Variants in ABHD4 observed in about 807,000 individuals in gnomAD.
The protein encoded by ABHD4 is (Lyso)-N-acylphosphatidylethanolamine lipase.
In ABHD4, 35 loss-of-function variants were observed where a neutral mutation model predicts 42.3. The ratio of observed to expected loss-of-function variants is 0.83; its 90% CI spans 0.63 to 1.10. The LOEUF is 1.10. Among genes scored for constraint, ABHD4 ranks in the 50% least tolerant of loss-of-function variants. The probability of loss-of-function intolerance (pLI) is 0.00; values close to 1 mark genes in which losing one functional copy is unlikely to be tolerated. For missense variants in ABHD4, 389 were observed against 454.8 expected, an observed-to-expected ratio of 0.86 and a Z score of 1.32; for synonymous variants, 169 against 170.6, an observed-to-expected ratio of 0.99 and a Z score of 0.07.
intron 4 of ABHD4, among the ~76,000 whole-genome samples, chr14:22,604,826 T>G (rs1482203304): frequency 6.6e-6 from 1 of 151,300 alleles, no homozygotes; most frequent in African/African-American, 2.4e-5. Flanking sequence ...GCTAGGCTGG[T>G]CTTGAACTCC....
intron 6 of ABHD4, among the ~76,000 whole-genome samples, chr14:22,610,631 C>G (rs1399983415): frequency 6.6e-6 from 1 of 152,160 alleles, no homozygotes; most frequent in Non-Finnish European, 1.5e-5. Flanking sequence ...AGTGGTGGGG[C>G]TAACACAGAA....
At chr14:22,608,698 TG>T (rs1469293255) in intron 5 of ABHD4, among the ~76,000 whole-genome samples, 2 of 152,154 alleles carry the variant, frequency 1.3e-5, no homozygotes, top group African/African-American at 4.8e-5. Flanking sequence ...AGTTGTTTTT[TG>T]TTTGTTTGTT....
At chr14:22,606,987 T>C (rs1039126872) in intron 5 of ABHD4, among the ~76,000 whole-genome samples, 13 of 152,214 alleles carry the variant, frequency 8.5e-5, no homozygotes, top group African/African-American at 3.1e-4. Context: ...ATTTCCAGTC[T>C]AACATAGCAC....
chr14:22,599,819 A>C (rs572007650), intron 1 of ABHD4, among the ~76,000 whole-genome samples: 1 of 152,330 alleles, frequency 6.6e-6, no homozygotes, highest in African/African-American at 2.4e-5. Context: ...TCAAGCCTAC[A>C]AGGAATTCCA....
chr14:22,601,570 T>G, intron 1 of ABHD4, 97 bp from the exon 2 acceptor site: 1 of 1,178,886 alleles, frequency 8.5e-7, no homozygotes. Context: ...GGAAACACCC[T>G]GCTTCCTGAG....
Position 22,603,480 on chromosome 14 carries a change from G to T in ABHD4, c.203G>T (p.Arg68Leu), listed in dbSNP as rs142817719. 2.5e-6 allele frequency: 4 copies of T among 1,614,002 alleles called. No individual in the cohort carries two copies. The highest frequency in any genetic ancestry group is 3.4e-6 in the Non-Finnish European group (4 of 1,180,008). Residue 68 changes from arginine (R) to leucine (L), a missense_variant, in exon 3 of 7, where the codon CGC becomes CTC. Arg to Leu is a moderately radical substitution (Grantham distance 102). This residue lies in a region of ABHD4 where 102 missense variants were observed against 128.3 expected (regional missense o/e 0.80). Coordinates refer to ENST00000428304, the MANE Select transcript of ABHD4 (RefSeq NM_022060.3). ...ACTGTGAGCCCCGAGCAAAACGACC[G>T]CACCCCCTTGGTGATGGTGCATGGT... ...TVTVSPEQNDRTPLVMVHGFG... is the reference protein window; with the variant it reads ...TVTVSPEQNDLTPLVMVHGFG...
rs147079024 is a variant in ABHD4, at chr14:22,606,681, A to G, written c.752+148A>G. The G allele has an allele frequency of 4.5e-3, 2,743 of 611,186 alleles. 83 individuals carry two copies. The East Asian group carries it at 0.062, about 14-fold the overall frequency. The allele number at this position is 611,186 out of a possible 1,614,324, so 37.9% of individuals were successfully genotyped here. On this transcript the variant is annotated intron_variant, in intron 5 of 6. Transcript: ENST00000428304. ...GGCACTAGCAAGCCTGATCATTTCCAGAGAGTTCCCCAGGGACAGACACAA... is the reference window on the plus strand; with the variant it reads ...GGCACTAGCAAGCCTGATCATTTCCGGAGAGTTCCCCAGGGACAGACACAA...
intron 2 of ABHD4, 110 bp from the exon 3 acceptor site, chr14:22,603,280 G>T (rs1048557478): frequency 2.2e-6 from 3 of 1,386,148 alleles, no homozygotes; most frequent in South Asian, 2.6e-5. Context: ...GCTGAGGGAA[G>T]TTGGGGAGGG....
In ABHD4 at chr14:22,612,820, A is replaced by G. The variant is rs550899774; in HGVS notation, c.*1872A>G. The G allele has an allele frequency of 1.3e-4, 20 of 152,204 alleles. No individual in the cohort carries two copies. Among genetic ancestry groups the G allele is most frequent in the Non-Finnish European group, 2.8e-4 (19 of 68,032 alleles). 9.4% of individuals were successfully genotyped at this position (152,204 alleles called of 1,614,324 possible). A position where few individuals can be genotyped will look rare whatever the true frequency, so the allele number is the denominator to read the frequency against. On this transcript the variant is annotated 3_prime_UTR_variant, in exon 7 of 7. Coordinates refer to ENST00000428304, the MANE Select transcript of ABHD4 (RefSeq NM_022060.3). ...CCTCTGTTCTGCATCTCTGTGGCAT[A>G]TCATCTGCCCCTTTTGTAAAACTTA...
intron 1 of ABHD4, chr14:22,598,726 G>A (rs57826114): frequency 0.046 from 17,460 of 375,802 alleles, 524 homozygotes; most frequent in South Asian, 0.077. Context: ...GGCAGTCGTG[G>A]GGATGGAGAG....
intron 4 of ABHD4, chr14:22,605,980 A>T (rs542289049): frequency 2.0e-4 from 109 of 538,266 alleles, no homozygotes; most frequent in Non-Finnish European, 3.2e-4. Context: ...AGGCCTGAAA[A>T]TGAGAGCGCT....
At chr14:22,602,471 G>A (rs2037297051) in intron 2 of ABHD4, among the ~76,000 whole-genome samples, 1 of 152,116 alleles carries the variant, frequency 6.6e-6, no homozygotes, top group Non-Finnish European at 1.5e-5. Context: ...GCTTCACCCA[G>A]GCAGCTCTTC....
In ABHD4 at chr14:22,609,574, G is replaced by A. The variant is rs534275494; in HGVS notation, c.753-150G>A. On this transcript the variant is annotated intron_variant, in intron 5 of 6. Coordinates refer to ENST00000428304, the MANE Select transcript of ABHD4 (RefSeq NM_022060.3). ...GTGATGGGAGGCCTCTGGAATTTTGGTCTTCCCCTAATCTTACCAATATTT... is the reference window on the plus strand; with the variant it reads ...GTGATGGGAGGCCTCTGGAATTTTGATCTTCCCCTAATCTTACCAATATTT... 1.1e-5 allele frequency: 9 copies of A among 813,618 alleles called. No homozygotes were observed. The African/African-American group carries it at 1.6e-4, about 14-fold the overall frequency. The allele number at this position is 813,618 out of a possible 1,614,324, so 50.4% of individuals were successfully genotyped here.
intron 4 of ABHD4, 56 bp downstream of exon 4, chr14:22,604,135 C>T: frequency 6.3e-7 from 1 of 1,580,808 alleles, no homozygotes; most frequent in Non-Finnish European, 8.7e-7. Flanking sequence ...AGAAGGCCCA[C>T]AGTGTCTTTC....
intron 2 of ABHD4, among the ~76,000 whole-genome samples, chr14:22,602,802 G>A (rs961693705): frequency 1.3e-5 from 2 of 152,134 alleles, no homozygotes; most frequent in Admixed American, 6.5e-5. Context: ...TAAAGAAAAA[G>A]TGATTCTGAC....
chr14:22,608,673 T>C (rs777449741), intron 5 of ABHD4, among the ~76,000 whole-genome samples: 1 of 152,200 alleles, frequency 6.6e-6, no homozygotes, highest in Non-Finnish European at 1.5e-5. Context: ...TTTTCATCCT[T>C]CTTGGGAAAT....
chr14:22,601,612 G>A (rs1400566470), intron 1 of ABHD4, 55 bp from the exon 2 acceptor site: 2 of 1,509,436 alleles, frequency 1.3e-6, no homozygotes, highest in Non-Finnish European at 9.2e-7. Flanking sequence ...AAGGCTAAGA[G>A]CATCAATGTT....
intron 5 of ABHD4, 27 bp from the exon 6 acceptor site, chr14:22,609,697 A>G: frequency 6.2e-7 from 1 of 1,607,608 alleles, no homozygotes; most frequent in Non-Finnish European, 8.5e-7. Context: ...TCTGCTGTGA[A>G]GTTTATTGCT....
chr14:22,604,722 G>A (rs1422136586), intron 4 of ABHD4, among the ~76,000 whole-genome samples: 1 of 152,010 alleles, frequency 6.6e-6, no homozygotes, highest in Non-Finnish European at 1.5e-5. Flanking sequence ...CCATTCCCCT[G>A]CCTGAGCCTC....
Sources: allele counts gnomAD v4.1 joint callset (sites outside exome capture counted in the v4.1 genomes callset), GRCh38; gene constraint gnomAD v4.1.1; regional missense constraint gnomAD v4.1.1; transcripts MANE v1.5; gene names NCBI Gene and HGNC (gene_info 2026-07-23, HGNC 2026-07-21).